BRD10: variants seen among roughly 807,000 people sequenced by gnomAD.
BRD10 encodes the protein bromodomain containing 10, also known as uncharacterized bromodomain-containing protein 10.
chr9:5,997,366 G>A, the BRD10 span, among the ~76,000 whole-genome samples: 2 of 151,888 alleles, frequency 1.3e-5, no homozygotes, highest in African/African-American at 4.8e-5. Context: ...AAACATGGGT[G>A]ATGCAAATGT....
At chr9:5,880,270 T>C in the BRD10 span, among the ~76,000 whole-genome samples, 6 of 151,268 alleles carry the variant, frequency 4.0e-5, no homozygotes, top group Non-Finnish European at 8.8e-5. Context: ...TCCCAGCACT[T>C]TGGGAGGCTG....
the BRD10 span, among the ~76,000 whole-genome samples, chr9:5,951,589 A>G: frequency 6.6e-6 from 1 of 152,228 alleles, no homozygotes; most frequent in Non-Finnish European, 1.5e-5. Context: ...AACAAAACAA[A>G]TAATTTACAG....
chr9:6,003,611 T>C, the BRD10 span, among the ~76,000 whole-genome samples: 4 of 152,238 alleles, frequency 2.6e-5, no homozygotes, highest in African/African-American at 9.6e-5. Flanking sequence ...TAAAAATCTG[T>C]GTTGGGACTT....
the BRD10 span, chr9:5,988,662 T>C: frequency 1.4e-6 from 1 of 701,052 alleles, no homozygotes; most frequent in Non-Finnish European, 2.4e-6. Context: ...TAAACCTTAC[T>C]TACTTAGCTT....
chr9:5,988,157 T>G, the BRD10 span, among the ~76,000 whole-genome samples: 1 of 152,210 alleles, frequency 6.6e-6, no homozygotes, highest in Non-Finnish European at 1.5e-5. Context: ...TATTTTTGTA[T>G]AGCTTCAAGA....
chr9:6,008,351 C>A, the BRD10 span: 1 of 983,606 alleles, frequency 1.0e-6, no homozygotes, highest in Non-Finnish European at 1.2e-6. Flanking sequence ...TTAGAAGCCC[C>A]GCTGGGCGGT....
the BRD10 span, among the ~76,000 whole-genome samples, chr9:5,977,372 G>C: frequency 6.6e-6 from 1 of 152,168 alleles, no homozygotes; most frequent in African/African-American, 2.4e-5. Flanking sequence ...GTATAGGCCA[G>C]CATAAGGCAG....
the BRD10 span, among the ~76,000 whole-genome samples, chr9:6,003,763 G>T: frequency 3.3e-5 from 5 of 151,710 alleles, no homozygotes; most frequent in East Asian, 9.6e-4. Flanking sequence ...AATATATATA[G>T]ATAATATAAA....
chr9:5,924,718 T>A, the BRD10 span: 1 of 1,600,950 alleles, frequency 6.2e-7, no homozygotes, highest in African/African-American at 1.3e-5. Context: ...ATAGACTTAC[T>A]GATTTCTCCC....
chr9:6,004,761 G>A, the BRD10 span, among the ~76,000 whole-genome samples: 2 of 152,090 alleles, frequency 1.3e-5, no homozygotes. Flanking sequence ...ATAGAATATT[G>A]TTTTGAAACA....
chr9:5,960,073 C>CA, the BRD10 span, among the ~76,000 whole-genome samples: 1 of 152,168 alleles, frequency 6.6e-6, no homozygotes, highest in Non-Finnish European at 1.5e-5. Context: ...AAAACCTTCC[C>CA]AGACTAGCAC....
At chr9:5,964,310 C>T in the BRD10 span, among the ~76,000 whole-genome samples, 3 of 151,094 alleles carry the variant, frequency 2.0e-5, no homozygotes, top group African/African-American at 7.3e-5. Flanking sequence ...AAAAAATGCT[C>T]ACCATCACTG....
At chr9:5,975,253 T>G in the BRD10 span, among the ~76,000 whole-genome samples, 1 of 151,362 alleles carries the variant, frequency 6.6e-6, no homozygotes, top group Non-Finnish European at 1.5e-5. Context: ...CTGACCAACA[T>G]GGTGAAACTC....
At chr9:5,985,806 T>G in the BRD10 span, among the ~76,000 whole-genome samples, 13 of 151,022 alleles carry the variant, frequency 8.6e-5, no homozygotes, top group East Asian at 7.7e-4. Flanking sequence ...AATAAATAAA[T>G]AAAGAATTCT....
the BRD10 span, among the ~76,000 whole-genome samples, chr9:5,911,408 T>TTG: frequency 6.7e-6 from 1 of 150,354 alleles, no homozygotes; most frequent in African/African-American, 2.4e-5. Flanking sequence ...TATGTGTGTT[T>TTG]TTTTTTTTTT....
At chr9:5,954,368 G>C in the BRD10 span, among the ~76,000 whole-genome samples, 2 of 152,270 alleles carry the variant, frequency 1.3e-5, no homozygotes, top group South Asian at 4.1e-4. Context: ...TCTACTGCAA[G>C]ATTAGGCAAA....
chr9:5,900,178 C>A, the BRD10 span, among the ~76,000 whole-genome samples: 1 of 152,060 alleles, frequency 6.6e-6, no homozygotes, highest in African/African-American at 2.4e-5. Context: ...ATCTTAAATT[C>A]ATTTAATTGA....
At chr9:5,973,844 G>C in the BRD10 span, among the ~76,000 whole-genome samples, 2 of 152,070 alleles carry the variant, frequency 1.3e-5, no homozygotes, top group Admixed American at 1.3e-4. Context: ...TTCATGCCAT[G>C]GCACTCTAGC....
the BRD10 span, chr9:5,913,976 T>C: frequency 2.2e-6 from 1 of 450,698 alleles, no homozygotes; most frequent in Non-Finnish European, 4.4e-6. Context: ...AAGAAGCACT[T>C]TCTGCTATCA....
Sources: allele counts gnomAD v4.1 joint callset (sites outside exome capture counted in the v4.1 genomes callset), GRCh38; gene constraint gnomAD v4.1.1; transcripts MANE v1.5; gene names NCBI Gene and HGNC (gene_info 2026-07-23, HGNC 2026-07-21).